Variants in COL6A2 observed in about 807,000 individuals in gnomAD.
COL6A2 encodes the protein collagen alpha-2(VI) chain.
In COL6A2, 90 loss-of-function variants were observed where a neutral mutation model predicts 124.9. The observed-to-expected ratio is 0.72, with a 90% CI of 0.61 to 0.86. The LOEUF (loss-of-function observed/expected upper bound fraction) is 0.86, where lower values mean the gene tolerates loss of function less well. COL6A2 is among the 40% of genes least tolerant of loss of function. COL6A2 has a pLI of 0.00. For synonymous variants in COL6A2, 793 were observed against 618.2 expected, an observed-to-expected ratio of 1.28 and a Z score of -4.19; for missense variants, 1,607 against 1,502.5, an observed-to-expected ratio of 1.07 and a Z score of -1.15.
rs1601197004 is a variant in COL6A2, at chr21:46,098,393, G to C, written c.-28+220G>C. Among the ~76,000 whole-genome samples, 4 of 152,028 alleles carry C rather than the reference G, an allele frequency of 2.6e-5. No homozygotes were observed. The East Asian group carries it at 7.8e-4, about 30-fold the overall frequency. ...CTCCGCGTCTCTGGGTCCGACCCTC[G>C]GGCGCGCGACTTGGGGCCACCTCCC... On this transcript the variant is annotated intron_variant, in intron 1 of 27. Coordinates refer to ENST00000300527, the MANE Select transcript of COL6A2 (RefSeq NM_001849.4).
intron 1 of COL6A2, chr21:46,099,086 G>A (rs187658152): frequency 2.6e-5 from 4 of 152,440 alleles, no homozygotes; most frequent in Non-Finnish European, 5.9e-5. Context: ...GCGATCCGCG[G>A]AGCTCCTTGT....
rs2078473182 is a variant in COL6A2 at position 46,116,559 on chromosome 21, A to C, written c.928-92A>C. 3 of 1,593,766 alleles carry C rather than the reference A, an allele frequency of 1.9e-6. No individual in the cohort carries two copies. The South Asian group carries it at 3.3e-5, about 18-fold the overall frequency. ...GCTCCTGGGGGGTCCTGTGGCCTTG[A>C]GTTTGGCCCAAGGGCTTTGCCCCCC... On this transcript the variant is annotated intron_variant, in intron 8 of 27. Coordinates refer to ENST00000300527, the MANE Select transcript of COL6A2 (RefSeq NM_001849.4). This position sits in a 1 kb window ranked among gnomAD's most constrained non-coding sequence, Gnocchi z 4.6.
At chr21:46,121,419 C>T in intron 17 of COL6A2, 137 bp from the exon 18 acceptor site, 1 of 866,626 alleles carries the variant, frequency 1.2e-6, no homozygotes, top group South Asian at 1.4e-5. Context: ...AGACAGAGGT[C>T]CACGGCCCCC....
At position 46,112,182 on chromosome 21, in the gene COL6A2, G is replaced by T; in HGVS notation, c.319G>T (p.Val107Leu). Residue 107 changes from valine (V) to leucine (L), a missense_variant, in exon 3 of 28, where the codon GTG (valine) becomes TTG (leucine). Transcript: ENST00000300527. ...CCTGCACTTCTCTGACCAGGTGGAG[G>T]TGTTCAGCCCACCGGGCAGCGACCG... is the stretch of plus-strand genomic sequence containing the variant. ...GGLHFSDQVE[V>L]FSPPGSDRAS... 2 of 1,612,976 alleles carry T rather than the reference G, an allele frequency of 1.2e-6. No individual in the cohort carries two copies. The highest frequency in any genetic ancestry group is 1.7e-6 in the Non-Finnish European group (2 of 1,180,034).
In COL6A2 at chr21:46,125,284, T is replaced by TACGTGAGGGAG. The variant is rs750113146; in HGVS notation, c.1792_1802dup (p.Cys602Ter). 6 of 1,611,974 alleles carry TACGTGAGGGAG rather than the reference T, an allele frequency of 3.7e-6. No homozygotes were observed. The highest frequency in any genetic ancestry group is 5.1e-6 in the Non-Finnish European group (6 of 1,179,476). ...ATTGCAGGAGTGTGACGTCATGACC[T>TACGTGAGGGAG]ACGTGAGGGAGACCTGCGGGTGCTG... is the stretch of plus-strand genomic sequence containing the variant. On this transcript the variant is annotated frameshift_variant, in exon 24 of 28. Coordinates refer to ENST00000300527, the MANE Select transcript of COL6A2 (RefSeq NM_001849.4). LOFTEE classifies it high-confidence loss of function.
chr21:46,120,607 G>A (rs2078549199), intron 16 of COL6A2, 30 bp downstream of exon 16: 1 of 1,448,260 alleles, frequency 6.9e-7, no homozygotes, highest in South Asian at 1.5e-5. Context: ...CGCACCCCAA[G>A]GTAGGGGATC....
chr21:46,124,073 T>C (rs563361543), intron 21 of COL6A2, among the ~76,000 whole-genome samples: 25 of 148,506 alleles, frequency 1.7e-4, no homozygotes, highest in Non-Finnish European at 3.6e-4. Flanking sequence ...GATGGACCGA[T>C]GGATGAATGG....
chr21:46,114,115 A>G (rs1333114858), intron 5 of COL6A2, 42 bp downstream of exon 5: 1 of 1,551,786 alleles, frequency 6.4e-7, no homozygotes, highest in Non-Finnish European at 8.9e-7. Context: ...GCTACCAGGA[A>G]GCCCCTGATT....
intron 1 of COL6A2, among the ~76,000 whole-genome samples, chr21:46,100,345 GGTTT>G (rs1193846346): frequency 6.6e-6 from 1 of 151,796 alleles, no homozygotes; most frequent in Admixed American, 6.6e-5. Context: ...GTGTTTGGGG[GGTTT>G]TTTCTTTTTT....
intron 1 of COL6A2, among the ~76,000 whole-genome samples, chr21:46,107,394 C>T (rs936154201): frequency 2.0e-5 from 3 of 152,084 alleles, no homozygotes. Context: ...TGACACTACA[C>T]GACCAAGAAG....
chr21:46,121,788 G>GC (rs568895594), intron 18 of COL6A2, among the ~76,000 whole-genome samples, 170 bp downstream of exon 18: 3 of 152,124 alleles, frequency 2.0e-5, no homozygotes, highest in African/African-American at 7.2e-5. Context: ...GGTCCAGGAA[G>GC]CCCCCCTGGC....
chr21:46,128,609 G>C (rs1288202158), intron 27 of COL6A2, among the ~76,000 whole-genome samples: 2 of 152,248 alleles, frequency 1.3e-5, no homozygotes. Flanking sequence ...AAACAAACCA[G>C]ACGCAGCTGA....
chr21:46,131,886 C>T (rs544653448), intron 27 of COL6A2, 68 bp from the exon 28 acceptor site: 42 of 1,424,090 alleles, frequency 2.9e-5, no homozygotes, highest in South Asian at 2.0e-4. Flanking sequence ...GGCACAGGTG[C>T]GGGGCTGGCA....
At chr21:46,131,132 C>T (rs1005189349) in intron 27 of COL6A2, among the ~76,000 whole-genome samples, 11 of 152,214 alleles carry the variant, frequency 7.2e-5, no homozygotes, top group Non-Finnish European at 1.3e-4. Context: ...GAAACTGGCT[C>T]TGTCCCTCCC....
At position 46,120,320 on chromosome 21, in the gene COL6A2, G is replaced by T. The variant is rs114984641; in HGVS notation, c.1333-195G>T. Among the ~76,000 whole-genome samples, 2,869 of 152,290 alleles carry T rather than the reference G, an allele frequency of 0.019. 92 individuals are homozygous for T. Among genetic ancestry groups the T allele is most frequent in the African/African-American group, 0.066 (2,732 of 41,542 alleles). On this transcript the variant is annotated intron_variant, in intron 15 of 27. Transcript: ENST00000300527. ...GGCCTCAGGGGGACCGAGAGACACC[G>T]TGCTCAGAGCGGCAGCTACAGGCAC... is the stretch of plus-strand genomic sequence containing the variant.
chr21:46,126,936 T>C (rs1160002153), intron 27 of COL6A2, among the ~76,000 whole-genome samples: 1 of 151,952 alleles, frequency 6.6e-6, no homozygotes, highest in Non-Finnish European at 1.5e-5. Flanking sequence ...CATCCCGGGG[T>C]GGAAGCACTG....
intron 27 of COL6A2, among the ~76,000 whole-genome samples, chr21:46,126,875 C>T (rs1204366981): frequency 6.6e-6 from 1 of 152,194 alleles, no homozygotes; most frequent in Non-Finnish European, 1.5e-5. Context: ...CTCCCATGGG[C>T]TGGCCGTGCA....
chr21:46,123,012 CTA>C (rs1267185822), intron 21 of COL6A2, 75 bp downstream of exon 21: 14 of 1,391,624 alleles, frequency 1.0e-5, no homozygotes, highest in Admixed American at 3.4e-5. Flanking sequence ...GCGTGTGCAT[CTA>C]TGAGTACAGG....
At chr21:46,130,119 G>A (rs916182466) in intron 27 of COL6A2, among the ~76,000 whole-genome samples, 3 of 152,204 alleles carry the variant, frequency 2.0e-5, no homozygotes, top group Admixed American at 2.0e-4. Flanking sequence ...ATAGTCCTGG[G>A]GGAAGCTGGC....
Sources: gnomAD v4.1 joint callset for allele counts (sites outside exome capture counted in the v4.1 genomes callset) on GRCh38, gnomAD v4.1.1 for gene constraint, Gnocchi (gnomAD v3.1) non-coding constraint, MANE v1.5 for transcripts, NCBI Gene and HGNC (gene_info 2026-07-23, HGNC 2026-07-21) for gene names.